EFHC1: variants seen among roughly 807,000 people sequenced by gnomAD.
EFHC1 encodes EF-hand domain containing 1.
EFHC1 carries 53 observed loss-of-function variants against 69.9 expected under a neutral mutation model. That is an observed-to-expected ratio of 0.76 (90% CI 0.61 to 0.95). The LOEUF is 0.95. EFHC1 is among the 40% of genes least tolerant of loss of function. The probability of loss-of-function intolerance (pLI) is 0.00; values close to 1 mark genes in which losing one functional copy is unlikely to be tolerated. For synonymous variants in EFHC1, 256 were observed against 278.4 expected (o/e 0.92, Z 0.80); for missense variants, 739 against 798.7 (o/e 0.93, Z 0.90).
chr6:52,452,707 G>A lies in EFHC1; in HGVS notation c.593G>A (p.Gly198Glu). Residue 198 changes from glycine (G) to glutamate (E), a missense_variant, in exon 4 of 11, where the codon GGA (glycine) becomes GAA (glutamate). Gly to Glu is a moderately conservative substitution (Grantham distance 98). Coordinates refer to ENST00000371068, the MANE Select transcript of EFHC1 (RefSeq NM_018100.4). Reference protein sequence around the residue: ...QFTQVFLESQGIELNPPEKMA... With the variant: ...QFTQVFLESQEIELNPPEKMA... Reference sequence around the variant, plus strand: ...ATTTAGGTATTTTTAGAAAGCCAAGGAATTGAGTTAAATCCACCAGAGAAG... The same window carrying A: ...ATTTAGGTATTTTTAGAAAGCCAAGAAATTGAGTTAAATCCACCAGAGAAG... The A allele has an allele frequency of 1.2e-6, 2 of 1,614,078 alleles. No homozygotes were observed. Among genetic ancestry groups the A allele is most frequent in the Non-Finnish European group, 1.7e-6 (2 of 1,180,010 alleles).
At position 52,490,275 on chromosome 6, in the gene EFHC1, A is replaced by T; in HGVS notation, c.1776A>T (p.Gly592=). ...AFQIYDKEAS[G]YVDRDMFFKI... ...AAATTTATGACAAGGAAGCTTCAGG[A>T]TATGTGGACAGAGACATGTTCTTTA... is the stretch of plus-strand genomic sequence containing the variant. Residue 592 remains glycine, a synonymous_variant, in exon 10 of 11, where the codon GGA becomes GGT. Coordinates refer to ENST00000371068, the MANE Select transcript of EFHC1 (RefSeq NM_018100.4). 1 of 1,614,166 alleles carries T rather than the reference A, an allele frequency of 6.2e-7. No homozygotes were observed. The highest frequency in any genetic ancestry group is 8.5e-7 in the Non-Finnish European group (1 of 1,179,996).
intron 8 of EFHC1, among the ~76,000 whole-genome samples, 178 bp from the exon 9 acceptor site, chr6:52,479,462 A>G (rs576088055): frequency 6.6e-6 from 1 of 152,342 alleles, no homozygotes; most frequent in East Asian, 1.9e-4. Context: ...GATGTCGACA[A>G]TAAGTTTTGT....
chr6:52,487,449 C>T (rs1765809772), intron 9 of EFHC1: 1 of 152,200 alleles, frequency 6.6e-6, no homozygotes, highest in African/African-American at 2.4e-5. Flanking sequence ...ACTTTCTAGA[C>T]ATTGCAGTAT....
At chr6:52,462,151 G>A (rs1463651791) in intron 5 of EFHC1, among the ~76,000 whole-genome samples, 12 of 151,210 alleles carry the variant, frequency 7.9e-5, no homozygotes, top group Non-Finnish European at 1.8e-4. Context: ...AGTCAATTTT[G>A]GAAATATAAC....
At chr6:52,442,563 GC>G (rs1389641748) in intron 3 of EFHC1, among the ~76,000 whole-genome samples, 1 of 151,362 alleles carries the variant, frequency 6.6e-6, no homozygotes, top group African/African-American at 2.4e-5. Context: ...TTCTGTCCTT[GC>G]GATAGTTTGC....
rs59794069 is a variant in EFHC1 at position 52,493,365 on chromosome 6, C to CATATATATATATAT, written c.*1031_*1044dup. On this transcript the variant is annotated 3_prime_UTR_variant, in exon 11 of 11. Transcript: ENST00000371068. ...ATAACTCTCTCTTTCTCTCTCTCTA[C>CATATATATATATAT]ATATATATATATATATATATTTTAT... 300 of 168,522 alleles carry CATATATATATATAT rather than the reference C, an allele frequency of 1.8e-3. 15 individuals are homozygous for CATATATATATATAT. The highest frequency in any genetic ancestry group is 2.6e-3 in the Admixed American group (40 of 15,344). The allele number at this position is 168,522 out of a possible 1,614,324, so 10.4% of individuals were successfully genotyped here.
intron 2 of EFHC1, among the ~76,000 whole-genome samples, 179 bp downstream of exon 2, chr6:52,424,346 C>T (rs1764258935): frequency 6.6e-6 from 1 of 152,164 alleles, no homozygotes; most frequent in African/African-American, 2.4e-5. Context: ...TTTCTTTAGT[C>T]AGGAAGCTGA....
chr6:52,459,802 G>A (rs1315958450), intron 5 of EFHC1, among the ~76,000 whole-genome samples: 1 of 152,284 alleles, frequency 6.6e-6, no homozygotes, highest in Admixed American at 6.5e-5. Context: ...AGCCTCCCGA[G>A]TAGCTGGGAC....
At chr6:52,448,446 C>A (rs1764838594) in intron 3 of EFHC1, among the ~76,000 whole-genome samples, 1 of 152,176 alleles carries the variant, frequency 6.6e-6, no homozygotes, top group Admixed American at 6.5e-5. Context: ...GTGGGAGTGT[C>A]CTGTTTTTCC....
At chr6:52,462,606 C>A (rs1029203088) in intron 5 of EFHC1, among the ~76,000 whole-genome samples, 1 of 152,090 alleles carries the variant, frequency 6.6e-6, no homozygotes, top group Middle Eastern at 3.2e-3. Context: ...AAAGAAGTGG[C>A]TGGGCATGGT....
chr6:52,459,895 C>T lies in EFHC1; in HGVS notation c.917-5000C>T, dbSNP rs560080414. 4.5e-3 allele frequency among the ~76,000 whole-genome samples: 689 copies of T among 152,238 alleles called. 4 individuals are homozygous for T. Among genetic ancestry groups the T allele is most frequent in the African/African-American group, 0.015 (643 of 41,534 alleles). On this transcript the variant is annotated intron_variant, in intron 5 of 10. Transcript: ENST00000371068. ...TTCACCATGTTAGCCAGGATGGTCT[C>T]GATCTCCTGACCTCGTGATCCACCC...
At chr6:52,449,950 A>G (rs1442692840) in intron 3 of EFHC1, among the ~76,000 whole-genome samples, 1 of 151,938 alleles carries the variant, frequency 6.6e-6, no homozygotes, top group Non-Finnish European at 1.5e-5. Flanking sequence ...TTAGTGCTAT[A>G]AATTTCCGTC....
intron 2 of EFHC1, among the ~76,000 whole-genome samples, chr6:52,431,660 A>G (rs1764416850): frequency 2.6e-5 from 4 of 152,166 alleles, no homozygotes; most frequent in Admixed American, 2.0e-4. Context: ...GCGCTGTTGA[A>G]TAGAATGTAT....
At chr6:52,461,340 A>G (rs1488910312) in intron 5 of EFHC1, among the ~76,000 whole-genome samples, 1 of 152,106 alleles carries the variant, frequency 6.6e-6, no homozygotes, top group East Asian at 1.9e-4. Context: ...CTGTTCCTGC[A>G]TTAGTTTGCT....
intron 7 of EFHC1, among the ~76,000 whole-genome samples, chr6:52,476,085 G>A (rs1041067399): frequency 3.9e-5 from 6 of 152,228 alleles, no homozygotes; most frequent in East Asian, 3.9e-4. Flanking sequence ...GGGCAAAAAG[G>A]TGGAAATGAC....
chr6:52,455,417 G>C (rs1765021678), intron 5 of EFHC1, among the ~76,000 whole-genome samples: 1 of 152,120 alleles, frequency 6.6e-6, no homozygotes, highest in Non-Finnish European at 1.5e-5. Context: ...CACTTTGGGA[G>C]GCCAAGGCAG....
chr6:52,454,345 GTTAC>G, intron 5 of EFHC1, 58 bp downstream of exon 5: 2 of 1,606,988 alleles, frequency 1.2e-6, no homozygotes, highest in Non-Finnish European at 1.7e-6. Flanking sequence ...TCTTAAAGGA[GTTAC>G]TTAATCAGTA....
chr6:52,420,447 C>T lies in EFHC1; in HGVS notation c.37C>T (p.Pro13Ser), dbSNP rs754282571. 4.3e-6 allele frequency: 7 copies of T among 1,614,100 alleles called. No homozygotes were observed. The highest frequency in any genetic ancestry group is 1.6e-4 in the Middle Eastern group (1 of 6,084). The change falls in exon 1 of 11, where the codon CCG (proline) becomes TCG (serine). Residue 13 changes from proline (P) to serine (S), a missense_variant. Physicochemically the swap from Pro to Ser is moderately conservative, Grantham distance 74. Coordinates refer to ENST00000371068, the MANE Select transcript of EFHC1 (RefSeq NM_018100.4). ...TCCCGTGCATGGCTTGCCCTTTCTT[C>T]CGGGCACGTCCTTTAAGGACTCTAC... ...SNPVHGLPFL[P>S]GTSFKDSTKT...
At chr6:52,487,878 G>C (rs1460397809) in intron 9 of EFHC1, 1 of 152,208 alleles carries the variant, frequency 6.6e-6, no homozygotes, top group East Asian at 1.9e-4. Flanking sequence ...TGAGCCATGT[G>C]AGCAAACCTT....
Sources: gnomAD v4.1 joint callset for allele counts (sites outside exome capture counted in the v4.1 genomes callset) on GRCh38, gnomAD v4.1.1 for gene constraint, MANE v1.5 for transcripts, NCBI Gene and HGNC (gene_info 2026-07-23, HGNC 2026-07-21) for gene names.